Variants in SPTA1 observed in about 807,000 individuals in gnomAD.
SPTA1 encodes the protein spectrin alpha, erythrocytic 1.
Under a neutral mutation model 324.7 loss-of-function variants are expected in SPTA1, and 177 were observed. That is an observed-to-expected ratio of 0.55 (90% CI 0.48 to 0.62). The LOEUF is 0.62. SPTA1 is among the 20% of genes least tolerant of loss of function. SPTA1 has a pLI of 0.00. For synonymous variants in SPTA1, 1,195 were observed against 1,041.3 expected, an observed-to-expected ratio of 1.15 and a Z score of -2.84; for missense variants, 3,162 against 2,883.6, an observed-to-expected ratio of 1.10 and a Z score of -2.21.
chr1:158,680,816 A>C, intron 4 of SPTA1, 87 bp from the exon 5 acceptor site: 1 of 1,554,592 alleles, frequency 6.4e-7, no homozygotes, highest in Non-Finnish European at 8.8e-7. Flanking sequence ...TTGCATTCCC[A>C]GGATAACTCA....
In SPTA1 at chr1:158,639,509, C is replaced by T. The variant is rs1045513406; in HGVS notation, c.4980+73G>A. Reference sequence around the variant, plus strand: ...GCAAGGCTATGTTTTCAAATGGTCTCCTAACATGGGAGGGAGAAGAGCCAG... The same window carrying T: ...GCAAGGCTATGTTTTCAAATGGTCTTCTAACATGGGAGGGAGAAGAGCCAG... On this transcript the variant is annotated intron_variant, in intron 35 of 51. Transcript: ENST00000643759. 7 of 1,489,960 alleles carry T rather than the reference C, an allele frequency of 4.7e-6. No individual in the cohort carries two copies. The Admixed American group carries it at 5.0e-5, about 11-fold the overall frequency. The allele number at this position is 1,489,960 out of a possible 1,614,324, so 92.3% of individuals were successfully genotyped here.
intron 18 of SPTA1, among the ~76,000 whole-genome samples, chr1:158,658,684 A>C (rs773770402): frequency 6.6e-6 from 1 of 152,168 alleles, no homozygotes; most frequent in Non-Finnish European, 1.5e-5. Flanking sequence ...AACTCCATCA[A>C]GTTATAGCAT....
intron 15 of SPTA1, among the ~76,000 whole-genome samples, chr1:158,667,563 C>T (rs1193739367): frequency 6.6e-6 from 1 of 151,906 alleles, no homozygotes; most frequent in East Asian, 1.9e-4. Flanking sequence ...AGAAAAACAA[C>T]AAAGTAGGAA....
Position 158,615,372 on chromosome 1 carries a change from C to T in SPTA1, c.6632G>A (p.Arg2211His), listed in dbSNP as rs751062593. The T allele has an allele frequency of 5.9e-5, 96 of 1,614,042 alleles. No homozygotes were observed. Among genetic ancestry groups the T allele is most frequent in the South Asian group, 1.4e-4 (13 of 91,082 alleles). Residue 2211 changes from arginine (R) to histidine (H), a missense_variant, in exon 48 of 52, where the codon CGT (arginine) becomes CAT (histidine). Physicochemically the swap from Arg to His is conservative, Grantham distance 29 (BLOSUM62 0). Coordinates refer to ENST00000643759, the MANE Select transcript of SPTA1 (RefSeq NM_003126.4). ...RKQKEIQAMK[R>H]QLTKIVDLGD... ...CAGGTCCACAATCTTGGTTAGTTGACGCTTCATCGCCTGGATCTCCTTCTG... is the reference window on the plus strand; with the variant it reads ...CAGGTCCACAATCTTGGTTAGTTGATGCTTCATCGCCTGGATCTCCTTCTG...
intron 51 of SPTA1, chr1:158,612,151 T>G (rs1440459506): frequency 6.4e-6 from 1 of 155,292 alleles, no homozygotes; most frequent in African/African-American, 2.4e-5. Context: ...TACCTTATGC[T>G]TTAGGTATTA....
At position 158,639,858 on chromosome 1, in the gene SPTA1, G is replaced by T. The variant is rs139797540; in HGVS notation, c.4875+12C>A. 3.4e-5 allele frequency: 55 copies of T among 1,613,724 alleles called. No individual in the cohort carries two copies. The highest frequency in any genetic ancestry group is 4.5e-5 in the Non-Finnish European group (53 of 1,179,928). ...AAACTCTTGTGTCTCTACTGTTTCC[G>T]GGTGCAATTACCTCTGAGAGCCAGA... On this transcript the variant is annotated intron_variant, in intron 34 of 51. Transcript: ENST00000643759.
intron 38 of SPTA1, among the ~76,000 whole-genome samples, chr1:158,635,647 T>C (rs940723075): frequency 6.6e-6 from 1 of 152,188 alleles, no homozygotes; most frequent in Non-Finnish European, 1.5e-5. Flanking sequence ...ATATGAAGGA[T>C]AACACATGTA....
chr1:158,647,562 G>A lies in SPTA1; in HGVS notation c.3873C>T (p.Phe1291=). ...ACCTGGCCTTGCTGAGGAACAGGTA[G>A]AATTTCTGGGCCTCATTTAGGCTCT... ...RKESLNEAQK[F]YLFLSKARDL... is the part of the protein sequence containing the mutation. The change falls in exon 27 of 52, where the codon TTC becomes TTT. Residue 1291 remains phenylalanine (F), a synonymous_variant. Coordinates refer to ENST00000643759, the MANE Select transcript of SPTA1 (RefSeq NM_003126.4). The A allele has an allele frequency of 6.2e-7, 1 of 1,613,580 alleles. No individual in the cohort carries two copies. Among genetic ancestry groups the A allele is most frequent in the Non-Finnish European group, 8.5e-7 (1 of 1,179,878 alleles).
rs565112780 is a variant in SPTA1, at chr1:158,611,603, T to G, written c.7135-214A>C. ...CAGCCCTTTCTTGAAAAAGAGAGCT[T>G]ACTCACTTTGATTATTCTGTAAATC... is the stretch of plus-strand genomic sequence containing the variant. On this transcript the variant is annotated intron_variant, in intron 51 of 51. Coordinates refer to ENST00000643759, the MANE Select transcript of SPTA1 (RefSeq NM_003126.4). 43 of 496,480 alleles carry G rather than the reference T, an allele frequency of 8.7e-5. No individual in the cohort carries two copies. In the East Asian group the frequency reaches 1.5e-3, roughly 18 times the overall value. 30.8% of individuals were successfully genotyped at this position (496,480 alleles called of 1,614,324 possible).
At position 158,649,918 on chromosome 1, in the gene SPTA1, C is replaced by T; in HGVS notation, c.3507G>A (p.Gln1169=). 1.9e-6 allele frequency: 3 copies of T among 1,613,870 alleles called. No individual in the cohort carries two copies. Among genetic ancestry groups the T allele is most frequent in the South Asian group, 1.1e-5 (1 of 91,042 alleles). Reference sequence around the variant, plus strand: ...GCTGCCGCTGTTCATCTGCAAGCCTCTGCAAAGAACCCCAGCGGGAATTCA... The same window carrying T: ...GCTGCCGCTGTTCATCTGCAAGCCTTTGCAAAGAACCCCAGCGGGAATTCA... ...QELNSRWGSL[Q]RLADEQRQLL... is the part of the protein sequence containing the mutation. Residue 1169 remains glutamine (Q), a synonymous_variant, in exon 25 of 52, where the codon CAG becomes CAA. Transcript: ENST00000643759.
At chr1:158,626,693 T>C (rs938868204) in intron 41 of SPTA1, 146 bp downstream of exon 41, 2 of 956,470 alleles carry the variant, frequency 2.1e-6, no homozygotes, top group Non-Finnish European at 3.3e-6. Flanking sequence ...CAAATGTGAG[T>C]GTAATTCTGT....
At chr1:158,635,220 T>C (rs957328300) in intron 38 of SPTA1, among the ~76,000 whole-genome samples, 3 of 152,058 alleles carry the variant, frequency 2.0e-5, no homozygotes, top group African/African-American at 7.2e-5. Flanking sequence ...TGGGAGGTGA[T>C]TGGATCATGG....
At position 158,681,637 on chromosome 1, in the gene SPTA1, C is replaced by T. The variant is rs537730975; in HGVS notation, c.421G>A (p.Asp141Asn). 2 of 1,613,604 alleles carry T rather than the reference C, an allele frequency of 1.2e-6. No homozygotes were observed. Among genetic ancestry groups the T allele is most frequent in the African/African-American group, 2.7e-5 (2 of 74,858 alleles). The stretch of plus-strand genomic sequence containing the variant: ...TCCAGGGTCAGCTCTAACAGCAGGT[C>T]CCACAGGTGGCGTAGCTCCTCTATA... ...AHIEELRHLW[D>N]LLLELTLEKG... The change falls in exon 4 of 52, where the codon GAC becomes AAC. Residue 141 changes from aspartate (D) to asparagine (N), a missense_variant. Transcript: ENST00000643759.
At chr1:158,615,867 C>T (rs1649526233) in intron 47 of SPTA1, among the ~76,000 whole-genome samples, 1 of 152,178 alleles carries the variant, frequency 6.6e-6, no homozygotes, top group South Asian at 2.1e-4. Context: ...CTCACTTAAG[C>T]TCCACAGTGT....
At chr1:158,654,562 G>A (rs1286338698) in intron 21 of SPTA1, 49 bp downstream of exon 21, 7 of 1,612,828 alleles carry the variant, frequency 4.3e-6, no homozygotes, top group Non-Finnish European at 5.1e-6. Flanking sequence ...TGGGAGAGAT[G>A]GTTCTGAAAG....
intron 23 of SPTA1, 151 bp downstream of exon 23, chr1:158,652,316 A>T (rs981706777): frequency 1.3e-5 from 11 of 859,768 alleles, no homozygotes; most frequent in Middle Eastern, 2.7e-4. Flanking sequence ...TAGCAACTAC[A>T]ATACCTAGAG....
intron 39 of SPTA1, among the ~76,000 whole-genome samples, chr1:158,633,079 C>T (rs1199180967): frequency 2.0e-5 from 3 of 152,140 alleles, no homozygotes; most frequent in Non-Finnish European, 4.4e-5. Flanking sequence ...TCAAAAGTTA[C>T]ATACTATATG....
chr1:158,662,717 T>C lies in SPTA1; in HGVS notation c.2449A>G (p.Thr817Ala), dbSNP rs569768557. Reference protein sequence around the residue: ...AWIQETEPSATSTYLGKDLIA... With the variant: ...AWIQETEPSAASTYLGKDLIA... The stretch of plus-strand genomic sequence containing the variant: ...CTGTACTAACCAAGGTAGGTGGAAG[T>C]AGCTGAGGGTTCAGTCTCTTGGATC... Residue 817 changes from threonine (T) to alanine (A), a missense_variant, in exon 17 of 52, where the codon ACT becomes GCT. Coordinates refer to ENST00000643759, the MANE Select transcript of SPTA1 (RefSeq NM_003126.4). 8 of 1,613,924 alleles carry C rather than the reference T, an allele frequency of 5.0e-6. No individual in the cohort carries two copies. Among genetic ancestry groups the C allele is most frequent in the Middle Eastern group, 1.7e-4 (1 of 5,984 alleles).
chr1:158,656,769 C>T, intron 19 of SPTA1, 113 bp from the exon 20 acceptor site: 1 of 952,372 alleles, frequency 1.1e-6, no homozygotes, highest in Non-Finnish European at 1.7e-6. Flanking sequence ...AAGCTGCTTT[C>T]CATCTATCAT....
Sources: allele counts gnomAD v4.1 joint callset (sites outside exome capture counted in the v4.1 genomes callset), GRCh38; gene constraint gnomAD v4.1.1; transcripts MANE v1.5; gene names NCBI Gene and HGNC (gene_info 2026-07-23, HGNC 2026-07-21).